The following ATG4A variants were observed in gnomAD, a reference collection of about 807,000 sequenced individuals.
The protein encoded by ATG4A is autophagy related 4A cysteine peptidase.
In ATG4A, 22 loss-of-function variants were observed where a neutral mutation model predicts 38.4. That is an observed-to-expected ratio of 0.57 (90% CI 0.41 to 0.82). ATG4A has a LOEUF of 0.82. ATG4A is among the 40% of genes least tolerant of loss of function. ATG4A has a pLI of 0.00. For missense variants in ATG4A, 220 were observed against 290.0 expected (o/e 0.76, Z 1.75); for synonymous variants, 86 against 100.7 (o/e 0.85, Z 0.88).
At chrX:108,129,046 T>C (rs779850446) in intron 3 of ATG4A, among the ~76,000 whole-genome samples, 194 bp downstream of exon 3, 12 of 112,233 alleles carry the variant, frequency 1.1e-4, no homozygotes, top group African/African-American at 3.6e-4. Flanking sequence ...CTCTATTTCA[T>C]TGAGGGATTA....
intron 1 of ATG4A, among the ~76,000 whole-genome samples, chrX:108,108,645 C>A (rs1394143161): frequency 2.7e-5 from 3 of 110,380 alleles, no homozygotes; most frequent in African/African-American, 6.6e-5. Context: ...CCGTCTTGAT[C>A]GTTTTTAAGT....
intron 1 of ATG4A, among the ~76,000 whole-genome samples, chrX:108,124,445 CTTTTTCTTTT>C (rs992218333): frequency 9.0e-5 from 10 of 111,152 alleles, no homozygotes; most frequent in Admixed American, 4.8e-4. Context: ...GTTTCTTTTT[CTTTTTCTTTT>C]TTTTTCTTTT....
At chrX:108,131,978 C>T (rs1168824605) in intron 4 of ATG4A, among the ~76,000 whole-genome samples, 4 of 110,918 alleles carry the variant, frequency 3.6e-5, no homozygotes, top group East Asian at 2.8e-4. Context: ...CGGCTCACTG[C>T]AACCTCTGAC....
chrX:108,137,815 C>T lies in ATG4A; in HGVS notation c.559C>T (p.Arg187Cys), dbSNP rs140831275. 9 of 1,157,155 alleles carry T rather than the reference C, an allele frequency of 7.8e-6. No individual in the cohort carries two copies. Among genetic ancestry groups the T allele is most frequent in the Admixed American group, 2.8e-5 (1 of 35,702 alleles). Residue 187 changes from arginine to cysteine, a missense_variant, in exon 8 of 13, where the codon CGT (arginine) becomes TGT (cysteine). This residue lies in a region of ATG4A where 159 missense variants were observed against 188.9 expected (regional missense o/e 0.84). Transcript: ENST00000372232. Reference protein sequence around the residue: ...VVIEDIKKMCRVLPLSADTAG... With the variant: ...VVIEDIKKMCCVLPLSADTAG... ...TCTTCCATTTCTAGAAAAAATGTGC[C>T]GTGTCCTTCCCTTGAGTGCTGACAC... is the stretch of plus-strand genomic sequence containing the variant.
At chrX:108,107,814 A>C (rs974965003) in intron 1 of ATG4A, among the ~76,000 whole-genome samples, 1 of 111,183 alleles carries the variant, frequency 9.0e-6, no homozygotes, top group African/African-American at 3.3e-5. Flanking sequence ...CTAGGCCTCC[A>C]GTGACACCAC....
At position 108,153,676 on chromosome X, in the gene ATG4A, T is replaced by C; in HGVS notation, c.1161T>C (p.Phe387=). The change falls in exon 13 of 13, where the codon TTT becomes TTC. Residue 387 remains phenylalanine, a synonymous_variant. Transcript: ENST00000372232. ...ACTCTACTGAGCAACTGGAGGAGTT[T>C]GATCTGGAGGAAGATTTTGAGATTC... ...FIDSTEQLEE[F]DLEEDFEILS... The C allele has an allele frequency of 8.3e-7, 1 of 1,209,995 alleles. No individual in the cohort carries two copies. The highest frequency in any genetic ancestry group is 1.1e-6 in the Non-Finnish European group (1 of 893,995).
At chrX:108,142,562 C>G (rs2033331288) in intron 9 of ATG4A, among the ~76,000 whole-genome samples, 1 of 110,365 alleles carries the variant, frequency 9.1e-6, no homozygotes, top group East Asian at 2.8e-4. Flanking sequence ...TATTAACTCA[C>G]ATGATCACAA....
At chrX:108,144,698 A>G (rs190511358) in intron 9 of ATG4A, among the ~76,000 whole-genome samples, 4 of 112,316 alleles carry the variant, frequency 3.6e-5, no homozygotes, top group Admixed American at 2.8e-4. Context: ...CACATGGCAT[A>G]CAAATATCTT....
chrX:108,096,550 T>C (rs1421772853), intron 1 of ATG4A, among the ~76,000 whole-genome samples: 1 of 112,449 alleles, frequency 8.9e-6, no homozygotes, highest in Non-Finnish European at 1.9e-5. Flanking sequence ...ATGCATCAAG[T>C]ACTTGGATCT....
At chrX:108,106,322 C>G (rs1478727264) in intron 1 of ATG4A, among the ~76,000 whole-genome samples, 1 of 111,514 alleles carries the variant, frequency 9.0e-6, no homozygotes, top group Non-Finnish European at 1.9e-5. Flanking sequence ...CTTTAAGTCT[C>G]TTTACTTTCT....
upstream of ATG4A, chrX:108,091,579 C>G: frequency 1.8e-6 from 2 of 1,093,181 alleles, no homozygotes; most frequent in Non-Finnish European, 2.5e-6. Context: ...TCGCCGGCTC[C>G]GGCTACGCCA....
At chrX:108,091,897 G>A in intron 1 of ATG4A, 61 bp downstream of exon 1, 2 of 1,205,321 alleles carry the variant, frequency 1.7e-6, no homozygotes, top group Non-Finnish European at 2.2e-6. Flanking sequence ...GTCGCTGGCG[G>A]GTCGTTGAGT....
At chrX:108,117,394 T>A (rs781741849) in intron 1 of ATG4A, among the ~76,000 whole-genome samples, 1 of 111,754 alleles carries the variant, frequency 8.9e-6, no homozygotes, top group African/African-American at 3.3e-5. Context: ...ACTGTGGATG[T>A]TTAGAAGAAG....
At chrX:108,122,105 C>G (rs1386130416) in intron 1 of ATG4A, among the ~76,000 whole-genome samples, 1 of 112,053 alleles carries the variant, frequency 8.9e-6, no homozygotes, top group Non-Finnish European at 1.9e-5. Flanking sequence ...GTGCTTCTTT[C>G]TTTAGCACAA....
chrX:108,096,535 T>C (rs1343430961), intron 1 of ATG4A, among the ~76,000 whole-genome samples: 7 of 112,294 alleles, frequency 6.2e-5, no homozygotes, highest in African/African-American at 1.9e-4. Context: ...CCTTTCACCA[T>C]AAAAATGCAT....
intron 4 of ATG4A, 46 bp downstream of exon 4, chrX:108,131,404 A>G (rs1388647563): frequency 8.9e-7 from 1 of 1,121,586 alleles, no homozygotes; most frequent in African/African-American, 1.8e-5. Flanking sequence ...CCTCTGCAGT[A>G]TCACTTGCTG....
At chrX:108,125,504 T>C (rs1368698907) in intron 1 of ATG4A, among the ~76,000 whole-genome samples, 1 of 112,769 alleles carries the variant, frequency 8.9e-6, no homozygotes, top group East Asian at 2.7e-4. Context: ...TTATGTTTAC[T>C]GTTAACTTCA....
intron 9 of ATG4A, among the ~76,000 whole-genome samples, chrX:108,146,980 G>A (rs1053135965): frequency 2.7e-5 from 3 of 111,507 alleles, no homozygotes; most frequent in Non-Finnish European, 3.8e-5. Flanking sequence ...CTTAATATCC[G>A]TTCCCATGCC....
At chrX:108,103,587 C>T (rs2032083647) in intron 1 of ATG4A, among the ~76,000 whole-genome samples, 1 of 111,008 alleles carries the variant, frequency 9.0e-6, no homozygotes, top group Admixed American at 9.5e-5. Context: ...CTTTGGGTTT[C>T]ATTGATTTTT....
Sources: gnomAD v4.1 joint callset for allele counts (sites outside exome capture counted in the v4.1 genomes callset) on GRCh38, gnomAD v4.1.1 for gene constraint, gnomAD v4.1.1 regional missense constraint, MANE v1.5 for transcripts, NCBI Gene and HGNC (gene_info 2026-07-23, HGNC 2026-07-21) for gene names.